The following CLYBL variants were observed in gnomAD, a reference collection of about 807,000 sequenced individuals.
The protein encoded by CLYBL is citramalyl-CoA lyase, also known as citramalyl-CoA lyase, mitochondrial.
In CLYBL, 31 loss-of-function variants were observed where a neutral mutation model predicts 38.9. The ratio of observed to expected loss-of-function variants is 0.80; its 90% confidence interval spans 0.60 to 1.08. The LOEUF is 1.08. CLYBL is among the 50% of genes least tolerant of loss of function. The probability of loss-of-function intolerance (pLI) is 0.00; values close to 1 mark genes in which losing one functional copy is unlikely to be tolerated. For missense variants in CLYBL, 434 were observed against 411.6 expected (o/e 1.05, Z -0.47); for synonymous variants, 171 against 158.6 (o/e 1.08, Z -0.59).
chr13:99,847,362 T>C (rs1370973800), intron 2 of CLYBL, among the ~76,000 whole-genome samples: 4 of 152,214 alleles, frequency 2.6e-5, no homozygotes, highest in Non-Finnish European at 5.9e-5. Context: ...TGTTTACTTT[T>C]ATTCTCCCAC....
At chr13:99,897,935 C>T (rs188386144), downstream of CLYBL, among the ~76,000 whole-genome samples, 200 of 134,038 alleles carry the variant, frequency 1.5e-3, no homozygotes, top group African/African-American at 5.8e-3. Flanking sequence ...GGCGAAATGC[C>T]GTCTCAAAAA....
intron 1 of CLYBL, among the ~76,000 whole-genome samples, chr13:99,767,058 C>T (rs749798436): frequency 6.6e-6 from 1 of 152,198 alleles, no homozygotes; most frequent in Non-Finnish European, 1.5e-5. Context: ...AGGCCTCCTG[C>T]CAGGGAACCC....
chr13:99,742,891 C>G (rs1327911844), intron 1 of CLYBL, among the ~76,000 whole-genome samples: 1 of 152,128 alleles, frequency 6.6e-6, no homozygotes, highest in Non-Finnish European at 1.5e-5. Flanking sequence ...TCTCCTCCTC[C>G]TTTCCTTCTG....
chr13:99,618,772 C>A (rs1250654093), intron 1 of CLYBL, among the ~76,000 whole-genome samples: 3 of 152,200 alleles, frequency 2.0e-5, no homozygotes, highest in Non-Finnish European at 4.4e-5. Flanking sequence ...GTGAATTTGA[C>A]TACTCTAGGT....
chr13:99,753,770 G>T (rs1399316828), intron 1 of CLYBL, among the ~76,000 whole-genome samples: 1 of 152,104 alleles, frequency 6.6e-6, no homozygotes, highest in Admixed American at 6.5e-5. Flanking sequence ...GTCAAGTCTG[G>T]ACTGCTACTT....
chr13:99,707,875 A>G (rs2048169701), intron 1 of CLYBL, among the ~76,000 whole-genome samples: 1 of 152,234 alleles, frequency 6.6e-6, no homozygotes, highest in Non-Finnish European at 1.5e-5. Context: ...TGTGTCTTCT[A>G]CCACCAAACA....
chr13:99,631,361 G>GTA (rs1555346015), intron 1 of CLYBL, among the ~76,000 whole-genome samples: 4 of 149,192 alleles, frequency 2.7e-5, no homozygotes, highest in South Asian at 2.1e-4. Context: ...GTGTGTGTGT[G>GTA]TGTATGTATA....
intron 1 of CLYBL, among the ~76,000 whole-genome samples, chr13:99,689,517 C>T (rs1320591592): frequency 1.3e-5 from 2 of 152,166 alleles, no homozygotes; most frequent in African/African-American, 4.8e-5. Flanking sequence ...ATTTTAATTC[C>T]ATGATTCTCA....
intron 1 of CLYBL, among the ~76,000 whole-genome samples, chr13:99,767,187 T>C (rs1005771478): frequency 1.2e-4 from 19 of 152,258 alleles, no homozygotes; most frequent in African/African-American, 4.3e-4. Context: ...AATGTTGTTA[T>C]GGATGTAGAA....
At chr13:99,672,352 A>G (rs562339208) in intron 1 of CLYBL, among the ~76,000 whole-genome samples, 1 of 152,210 alleles carries the variant, frequency 6.6e-6, no homozygotes, top group African/African-American at 2.4e-5. Flanking sequence ...GACAACAGGC[A>G]TGCACTACTG....
chr13:99,729,211 A>T (rs898119657), intron 1 of CLYBL, among the ~76,000 whole-genome samples: 21 of 152,160 alleles, frequency 1.4e-4, no homozygotes, highest in Non-Finnish European at 1.0e-4. Flanking sequence ...GAGGGGAGAG[A>T]GTATCTTTGT....
intron 1 of CLYBL, among the ~76,000 whole-genome samples, chr13:99,763,547 T>TC (rs2049205009): frequency 1.4e-5 from 2 of 139,452 alleles, no homozygotes; most frequent in Non-Finnish European, 3.0e-5. Flanking sequence ...ATCTTTTTAT[T>TC]CTTTTTTTTT....
intron 4 of CLYBL, 75 bp from the exon 5 acceptor site, chr13:99,864,743 A>G: frequency 1.0e-6 from 1 of 970,124 alleles, no homozygotes; most frequent in Non-Finnish European, 1.6e-6. Context: ...TCGTCCTGTT[A>G]CTGAAATGCA....
At chr13:99,702,582 A>C (rs1209273677) in intron 1 of CLYBL, among the ~76,000 whole-genome samples, 1 of 151,014 alleles carries the variant, frequency 6.6e-6, no homozygotes, top group Non-Finnish European at 1.5e-5. Flanking sequence ...CAGTGAGCTG[A>C]GATCACACCA....
chr13:99,628,695 G>A (rs1371540168), intron 1 of CLYBL, among the ~76,000 whole-genome samples: 4 of 152,222 alleles, frequency 2.6e-5, no homozygotes, highest in Non-Finnish European at 4.4e-5. Flanking sequence ...CTGAGGCTCT[G>A]GGCAGCAATC....
rs754990870 is a variant in CLYBL, at chr13:99,869,526, T to C, written c.803-1412T>C. 6.6e-6 allele frequency among the ~76,000 whole-genome samples: 1 copy of C among 152,204 alleles called. No homozygotes were observed. The highest frequency in any genetic ancestry group is 1.5e-5 in the Non-Finnish European group (1 of 68,004). ...TTCCTCAGGTAATTTAAGGAATCTT[T>C]ACTTATATAAGTGTTTAACATTTTA... On this transcript the variant is annotated intron_variant, in intron 6 of 8. Transcript: ENST00000339105. The surrounding 1 kb of genome is among the most constrained non-coding windows in gnomAD (Gnocchi z 4.3).
chr13:99,870,421 AT>A (rs751001494), intron 6 of CLYBL, among the ~76,000 whole-genome samples: 4,463 of 152,326 alleles, frequency 0.029, no homozygotes, highest in Non-Finnish European at 0.045. Context: ...TTTGATAGTA[AT>A]ATAGTTGTAA....
chr13:99,622,109 C>G (rs940694441), intron 1 of CLYBL, among the ~76,000 whole-genome samples: 2 of 152,224 alleles, frequency 1.3e-5, no homozygotes, highest in African/African-American at 2.4e-5. Context: ...CCCATTGCTG[C>G]CATCTCTCGG....
At chr13:99,681,439 C>T (rs1027930763) in intron 1 of CLYBL, among the ~76,000 whole-genome samples, 1 of 152,058 alleles carries the variant, frequency 6.6e-6, no homozygotes, top group Non-Finnish European at 1.5e-5. Context: ...ATCTACCTAT[C>T]TATATCTGTA....
Sources: allele counts gnomAD v4.1 joint callset (sites outside exome capture counted in the v4.1 genomes callset), GRCh38; gene constraint gnomAD v4.1.1; non-coding constraint Gnocchi (gnomAD v3.1); transcripts MANE v1.5; gene names NCBI Gene and HGNC (gene_info 2026-07-23, HGNC 2026-07-21).